The following TTC28 variants were observed in gnomAD, a reference collection of about 807,000 sequenced individuals.
The protein encoded by TTC28 is tetratricopeptide repeat protein 28.
A neutral mutation model predicts 198.0 loss-of-function variants in TTC28; 61 were observed. That is an observed-to-expected ratio of 0.31 (90% CI 0.25 to 0.38). TTC28 has a LOEUF of 0.38. TTC28 is among the 10% of genes least tolerant of loss of function. The pLI is 1.00. For synonymous variants in TTC28, 1,171 were observed against 1,297.8 expected, an observed-to-expected ratio of 0.90 and a Z score of 2.10; for missense variants, 2,678 against 3,164.0, an observed-to-expected ratio of 0.85 and a Z score of 3.69.
intron 5 of TTC28, among the ~76,000 whole-genome samples, chr22:28,209,565 G>C (rs533742180): frequency 6.6e-6 from 1 of 152,322 alleles, no homozygotes; most frequent in African/African-American, 2.4e-5. Context: ...AGATTGAACT[G>C]CAAGGCAGCA....
At chr22:28,576,510 G>A (rs1010397953) in intron 2 of TTC28, among the ~76,000 whole-genome samples, 3 of 152,030 alleles carry the variant, frequency 2.0e-5, no homozygotes, top group African/African-American at 7.2e-5. Context: ...GAATGAGTTT[G>A]GAAGTACTCC....
Position 27,982,560 on chromosome 22 carries a change from C to A in TTC28, c.7107G>T (p.Gln2369His). ...NLKMFWQSTP[Q>H]HSTGPMKIFR... ...AGATCTTCATTGGCCCTGTGGAATG[C>A]TGGGGTGTGCTCTGCCAGAACATCT... is the stretch of plus-strand genomic sequence containing the variant. The change falls in exon 23 of 23, where the codon CAG (glutamine) becomes CAT (histidine). Residue 2369 changes from glutamine to histidine, a missense_variant. Physicochemically the swap from Gln to His is conservative, Grantham distance 24. Around this residue, in one of 8 missense-constraint regions of TTC28, gnomAD observed 622 missense variants for 656.0 expected, o/e 0.95. Coordinates refer to ENST00000397906, the MANE Select transcript of TTC28 (RefSeq NM_001145418.2). The surrounding 1 kb of genome is among the most constrained non-coding windows in gnomAD (Gnocchi z 5.2). 1.3e-6 allele frequency: 2 copies of A among 1,551,736 alleles called. No individual in the cohort carries two copies. The highest frequency in any genetic ancestry group is 1.7e-6 in the Non-Finnish European group (2 of 1,147,006).
chr22:28,572,046 T>C (rs2050070864), intron 2 of TTC28, among the ~76,000 whole-genome samples: 1 of 151,446 alleles, frequency 6.6e-6, no homozygotes, highest in Admixed American at 6.6e-5. Flanking sequence ...GTATAAAGAA[T>C]TGCTCAGCCC....
At chr22:28,517,452 G>C (rs2048811400) in intron 2 of TTC28, among the ~76,000 whole-genome samples, 1 of 152,018 alleles carries the variant, frequency 6.6e-6, no homozygotes, top group Admixed American at 6.6e-5. Context: ...AGCATTATTA[G>C]GAATCTAAAG....
intron 6 of TTC28, among the ~76,000 whole-genome samples, chr22:28,136,594 T>C (rs1943204932): frequency 6.6e-6 from 1 of 152,206 alleles, no homozygotes; most frequent in African/African-American, 2.4e-5. Flanking sequence ...ATCTAACTTC[T>C]CAAATAAGCT....
rs891508422 is a variant in TTC28, at chr22:28,053,187, T to C, written c.3933-22821A>G. ...CCTTGTCAGCCTTGAAAACCAGTCC[T>C]TAGTGAGCTGTGTGAGGCAGAGGCT... is the stretch of plus-strand genomic sequence containing the variant. On this transcript the variant is annotated intron_variant, in intron 12 of 22. Coordinates refer to ENST00000397906, the MANE Select transcript of TTC28 (RefSeq NM_001145418.2). Among the ~76,000 whole-genome samples, 12 of 152,242 alleles carry C rather than the reference T, an allele frequency of 7.9e-5. No individual in the cohort carries two copies. In the East Asian group the frequency reaches 1.9e-3, roughly 24 times the overall value.
rs186879398 is a variant in TTC28, at chr22:28,586,193, A to G, written c.381+43359T>C. 4.4e-4 allele frequency among the ~76,000 whole-genome samples: 66 copies of G among 151,412 alleles called. 1 individual carries two copies. The East Asian group carries it at 9.9e-3, about 23-fold the overall frequency. On this transcript the variant is annotated intron_variant, in intron 2 of 22. Coordinates refer to ENST00000397906, the MANE Select transcript of TTC28 (RefSeq NM_001145418.2). ...ACTCGGGAGGCTGAGGCAGGAGAAT[A>G]GCGTGAACCTGGGAGGCAGAGCTTG...
At chr22:28,047,220 CA>C (rs1440274684) in intron 12 of TTC28, among the ~76,000 whole-genome samples, 2 of 152,178 alleles carry the variant, frequency 1.3e-5, no homozygotes, top group East Asian at 3.9e-4. Context: ...ACCCTGAAGT[CA>C]GGGGAGAGAC....
intron 12 of TTC28, among the ~76,000 whole-genome samples, chr22:28,053,129 C>A (rs151097301): frequency 1.9e-3 from 283 of 152,332 alleles, no homozygotes; most frequent in African/African-American, 6.5e-3. Flanking sequence ...GCACGTTGGC[C>A]GTAAAGAAAT....
intron 2 of TTC28, among the ~76,000 whole-genome samples, chr22:28,466,499 A>C (rs2048022321): frequency 6.6e-6 from 1 of 152,208 alleles, no homozygotes; most frequent in South Asian, 2.1e-4. Context: ...AACCAAAGTA[A>C]TAAATCTAAA....
At chr22:28,585,361 T>C (rs2050299038) in intron 2 of TTC28, among the ~76,000 whole-genome samples, 1 of 152,184 alleles carries the variant, frequency 6.6e-6, no homozygotes, top group African/African-American at 2.4e-5. Context: ...TGACAGATCA[T>C]CAGGGATTAA....
chr22:28,419,983 G>A (rs769175147), intron 2 of TTC28, among the ~76,000 whole-genome samples: 1 of 152,158 alleles, frequency 6.6e-6, no homozygotes, highest in African/African-American at 2.4e-5. Flanking sequence ...AAACAATTGA[G>A]TTACCAATCT....
intron 1 of TTC28, among the ~76,000 whole-genome samples, chr22:28,674,924 G>A (rs1159239738): frequency 6.6e-6 from 1 of 151,624 alleles, no homozygotes; most frequent in Admixed American, 6.6e-5. Context: ...AAATATAAGG[G>A]ACCCAAAATA....
chr22:28,310,134 TA>T (rs1222682539), intron 2 of TTC28, among the ~76,000 whole-genome samples: 3 of 101,102 alleles, frequency 3.0e-5, no homozygotes, highest in East Asian at 5.6e-4. Context: ...CTGTGACACA[TA>T]ACACACACAC....
At chr22:28,421,590 T>C (rs776363160) in intron 2 of TTC28, among the ~76,000 whole-genome samples, 3 of 152,152 alleles carry the variant, frequency 2.0e-5, no homozygotes, top group Admixed American at 2.0e-4. Context: ...TATAGAAGAA[T>C]TGATGAAATT....
At chr22:28,625,452 T>C (rs1390432039) in intron 2 of TTC28, among the ~76,000 whole-genome samples, 1 of 152,168 alleles carries the variant, frequency 6.6e-6, no homozygotes, top group East Asian at 1.9e-4. Context: ...TTTATAATAG[T>C]ATCAAAAGCC....
intron 6 of TTC28, among the ~76,000 whole-genome samples, chr22:28,133,581 A>C (rs557633379): frequency 4.6e-5 from 7 of 152,312 alleles, no homozygotes; most frequent in African/African-American, 1.7e-4. Flanking sequence ...CATGGCTCAG[A>C]GGGTCCCAAG....
At chr22:28,576,876 T>C (rs2050159928) in intron 2 of TTC28, among the ~76,000 whole-genome samples, 1 of 152,052 alleles carries the variant, frequency 6.6e-6, no homozygotes, top group Non-Finnish European at 1.5e-5. Flanking sequence ...TCTCTTTTTT[T>C]CCTAGTCTGG....
chr22:28,083,883 G>A (rs1941458303), intron 12 of TTC28, among the ~76,000 whole-genome samples: 1 of 152,238 alleles, frequency 6.6e-6, no homozygotes, highest in African/African-American at 2.4e-5. Context: ...CTGGCTCAGA[G>A]GGTCCTACGC....
Sources: gnomAD v4.1 joint callset for allele counts (sites outside exome capture counted in the v4.1 genomes callset) on GRCh38, gnomAD v4.1.1 for gene constraint, gnomAD v4.1.1 regional missense constraint, Gnocchi (gnomAD v3.1) non-coding constraint, MANE v1.5 for transcripts, NCBI Gene and HGNC (gene_info 2026-07-23, HGNC 2026-07-21) for gene names.